The following ASIC2 variants were observed in gnomAD, a reference collection of about 807,000 sequenced individuals.
ASIC2 encodes the protein acid-sensing ion channel 2.
ASIC2 carries 25 observed loss-of-function variants against 57.3 expected under a neutral mutation model. That is an observed-to-expected ratio of 0.44 (90% CI 0.32 to 0.61). The LOEUF (loss-of-function observed/expected upper bound fraction) is 0.61. Ranked by LOEUF, ASIC2 falls within the 20% of genes least tolerant of loss-of-function variation. The probability of loss-of-function intolerance (pLI) is 0.06; values close to 1 mark genes in which losing one functional copy is unlikely to be tolerated. For synonymous variants in ASIC2, 319 were observed against 307.5 expected (o/e 1.04, Z -0.39); for missense variants, 641 against 738.1 (o/e 0.87, Z 1.52).
Position 33,940,227 on chromosome 17 carries a change from C to A in ASIC2, c.555+215751G>T, listed in dbSNP as rs138465856. On this transcript the variant is annotated intron_variant, in intron 1 of 9. Transcript: ENST00000359872. Reference sequence around the variant, plus strand: ...CCTAACCAGTAAGTTGGCCCTTGGGCTTATCATGAGTGAGGACTTCAGACT... The same window carrying A: ...CCTAACCAGTAAGTTGGCCCTTGGGATTATCATGAGTGAGGACTTCAGACT... Among the ~76,000 whole-genome samples, 128 of 152,286 alleles carry A rather than the reference C, an allele frequency of 8.4e-4. 1 individual carries two copies. Among genetic ancestry groups the A allele is most frequent in the Middle Eastern group, 6.8e-3 (2 of 294 alleles).
intron 1 of ASIC2, among the ~76,000 whole-genome samples, chr17:33,290,356 T>A (rs940952736): frequency 6.6e-6 from 1 of 152,126 alleles, no homozygotes; most frequent in Non-Finnish European, 1.5e-5. Context: ...GCACTACCAA[T>A]AAACACACAC....
intron 1 of ASIC2, among the ~76,000 whole-genome samples, chr17:33,942,488 C>A (rs749489389): frequency 2.6e-5 from 4 of 152,312 alleles, no homozygotes; most frequent in Non-Finnish European, 5.9e-5. Context: ...AACTCAGACC[C>A]TCTGCCTTCC....
intron 2 of ASIC2, among the ~76,000 whole-genome samples, chr17:33,111,544 T>C (rs1488037936): frequency 2.0e-5 from 3 of 152,136 alleles, no homozygotes; most frequent in African/African-American, 2.4e-5. Context: ...GATCTTCTAA[T>C]TGGGTCGGGA....
At chr17:33,600,465 A>G (rs1905094429) in intron 1 of ASIC2, among the ~76,000 whole-genome samples, 1 of 151,668 alleles carries the variant, frequency 6.6e-6, no homozygotes. Context: ...ATTGGTATTA[A>G]GAAGTGTGGC....
At chr17:33,132,467 C>T (rs778335990) in intron 1 of ASIC2, among the ~76,000 whole-genome samples, 21 of 152,214 alleles carry the variant, frequency 1.4e-4, no homozygotes, top group Admixed American at 1.1e-3. Flanking sequence ...TGGCTGGGGG[C>T]CAGTTGTTTT....
chr17:34,078,305 T>C (rs1325850332), intron 1 of ASIC2, among the ~76,000 whole-genome samples: 5 of 152,192 alleles, frequency 3.3e-5, no homozygotes, highest in Admixed American at 2.6e-4. Context: ...ACCTGGCACT[T>C]CACAGATGCC....
At chr17:34,019,149 C>T (rs937639429) in intron 1 of ASIC2, among the ~76,000 whole-genome samples, 4 of 152,100 alleles carry the variant, frequency 2.6e-5, no homozygotes, top group African/African-American at 9.7e-5. Flanking sequence ...ACCTCATGAT[C>T]CGCCCTCCTT....
chr17:33,362,011 A>C (rs890153349), intron 1 of ASIC2, among the ~76,000 whole-genome samples: 10 of 152,144 alleles, frequency 6.6e-5, no homozygotes, highest in Non-Finnish European at 8.8e-5. Context: ...AGAAAAATTT[A>C]GAGGTTGGCA....
intron 3 of ASIC2, among the ~76,000 whole-genome samples, chr17:33,068,684 G>A (rs1013933301): frequency 6.6e-6 from 1 of 152,170 alleles, no homozygotes. Flanking sequence ...TGTACACATG[G>A]AGTCTGTGCT....
At chr17:33,680,761 C>A (rs1311648972) in intron 1 of ASIC2, 1 of 152,268 alleles carries the variant, frequency 6.6e-6, no homozygotes, top group Non-Finnish European at 1.5e-5. Context: ...GAGGCCTGAG[C>A]TCAGGGTCTG....
At chr17:33,517,977 G>A (rs1210227917) in intron 1 of ASIC2, among the ~76,000 whole-genome samples, 1 of 152,218 alleles carries the variant, frequency 6.6e-6, no homozygotes, top group African/African-American at 2.4e-5. Context: ...ACCGCAGGCT[G>A]CATGCTGGGA....
chr17:33,737,601 A>T, intron 1 of ASIC2, among the ~76,000 whole-genome samples: 1 of 152,252 alleles, frequency 6.6e-6, no homozygotes. Context: ...ATGGAGACAT[A>T]AAGAGTGCTG....
intron 1 of ASIC2, among the ~76,000 whole-genome samples, chr17:33,282,269 C>G (rs767548194): frequency 6.6e-5 from 10 of 152,168 alleles, no homozygotes; most frequent in Non-Finnish European, 1.5e-4. Flanking sequence ...TGAAATGAGT[C>G]TTACCAGCTA....
intron 1 of ASIC2, among the ~76,000 whole-genome samples, chr17:33,540,919 C>T (rs1915388250): frequency 6.6e-6 from 1 of 152,202 alleles, no homozygotes; most frequent in African/African-American, 2.4e-5. Context: ...GACACAATCC[C>T]TTTTGCACAT....
intron 1 of ASIC2, among the ~76,000 whole-genome samples, chr17:33,741,024 T>A (rs552256042): frequency 6.6e-6 from 1 of 152,284 alleles, no homozygotes; most frequent in South Asian, 2.1e-4. Context: ...GCCAGCCCTG[T>A]GTGCAGACTG....
At chr17:33,968,299 G>A (rs377285402) in intron 1 of ASIC2, among the ~76,000 whole-genome samples, 1 of 152,186 alleles carries the variant, frequency 6.6e-6, no homozygotes, top group African/African-American at 2.4e-5. Context: ...CCAAAGCCAG[G>A]CCTGGTGTCT....
chr17:33,324,785 A>G (rs1305002851), intron 1 of ASIC2, among the ~76,000 whole-genome samples: 1 of 152,074 alleles, frequency 6.6e-6, no homozygotes, highest in Non-Finnish European at 1.5e-5. Context: ...TCTCCCAAAG[A>G]AAAAAACCAT....
In ASIC2 at chr17:33,518,841, G is replaced by T. The variant is rs150808664; in HGVS notation, c.556-406774C>A. Among the ~76,000 whole-genome samples, 511 of 149,538 alleles carry T rather than the reference G, an allele frequency of 3.4e-3. 3 individuals carry two copies. The highest frequency in any genetic ancestry group is 0.012 in the African/African-American group (495 of 40,732). ...GATAACTACTCTTTTTTTTTTTTGA[G>T]ATGGAGTCTCGCTCTGTCACCCAGG... On this transcript the variant is annotated intron_variant, in intron 1 of 9. Transcript: ENST00000359872.
At chr17:34,057,768 TGA>T (rs772217132) in intron 1 of ASIC2, among the ~76,000 whole-genome samples, 6 of 152,294 alleles carry the variant, frequency 3.9e-5, no homozygotes, top group South Asian at 2.1e-4. Flanking sequence ...GTTCAGACTA[TGA>T]GAGAGTGCAT....
Sources: gnomAD v4.1 joint callset for allele counts (sites outside exome capture counted in the v4.1 genomes callset) on GRCh38, gnomAD v4.1.1 for gene constraint, MANE v1.5 for transcripts, NCBI Gene and HGNC (gene_info 2026-07-23, HGNC 2026-07-21) for gene names.